Variants in RNF8 observed in about 807,000 individuals in gnomAD.
RNF8 encodes the protein ring finger protein 8.
A neutral mutation model predicts 59.3 loss-of-function variants in RNF8; 8 were observed. That is an observed-to-expected ratio of 0.13 (90% CI 0.08 to 0.24). RNF8 has a LOEUF of 0.24. Among genes scored for constraint, RNF8 ranks in the 10% least tolerant of loss-of-function variants. The probability of loss-of-function intolerance (pLI) is 1.00; values close to 1 mark genes in which losing one functional copy is unlikely to be tolerated. For synonymous variants in RNF8, 162 were observed against 200.0 expected, an observed-to-expected ratio of 0.81 and a Z score of 1.60; for missense variants, 406 against 572.6, an observed-to-expected ratio of 0.71 and a Z score of 2.97.
chr6:37,381,780 C>G (rs901822258), intron 7 of RNF8, among the ~76,000 whole-genome samples: 1 of 152,216 alleles, frequency 6.6e-6, no homozygotes, highest in Admixed American at 6.5e-5. Flanking sequence ...CTGATGCTGA[C>G]TTGCAAGCAC....
At position 37,380,583 on chromosome 6, in the gene RNF8, A is replaced by C. The variant is rs141246744; in HGVS notation, c.1237-567A>C. Among the ~76,000 whole-genome samples, 640 of 150,458 alleles carry C rather than the reference A, an allele frequency of 4.3e-3. 1 individual carries two copies. The highest frequency in any genetic ancestry group is 0.014 in the South Asian group (65 of 4,604). On this transcript the variant is annotated intron_variant, in intron 6 of 7. Coordinates refer to ENST00000373479, the MANE Select transcript of RNF8 (RefSeq NM_003958.4). ...CTACTCGGGAGGCTGAGGCAGGAGA[A>C]TGGCGTGAACCCAGGAGGCGGAGTC...
rs188013025 is a variant in RNF8, at chr6:37,356,789, A to T, written c.111+2514A>T. On this transcript the variant is annotated intron_variant, in intron 1 of 7. Coordinates refer to ENST00000373479, the MANE Select transcript of RNF8 (RefSeq NM_003958.4). ...TTTGAGACAGAGTACTCCTTCTGTC[A>T]CCCAGGCTGGAGTGCAGTGGTGTGA... Among the ~76,000 whole-genome samples the T allele has an allele frequency of 3.6e-4, 55 of 152,246 alleles. 1 individual carries two copies. The highest frequency in any genetic ancestry group is 6.8e-3 in the Middle Eastern group (2 of 294).
At chr6:37,382,576 G>T (rs1176026546) in intron 7 of RNF8, among the ~76,000 whole-genome samples, 2 of 152,148 alleles carry the variant, frequency 1.3e-5, no homozygotes, top group Non-Finnish European at 2.9e-5. Context: ...TGAGTCGGGG[G>T]ACGGGGTTGG....
At chr6:37,381,023 A>G (rs1770238835) in intron 6 of RNF8, 127 bp from the exon 7 acceptor site, 2 of 805,260 alleles carry the variant, frequency 2.5e-6, no homozygotes, top group Non-Finnish European at 4.2e-6. Context: ...TAAGCCCTTA[A>G]GATGGGATTG....
In RNF8 at chr6:37,390,902, C is replaced by G. The variant is rs557883308; in HGVS notation, c.*144C>G. 2 of 1,409,420 alleles carry G rather than the reference C, an allele frequency of 1.4e-6. No homozygotes were observed. Among genetic ancestry groups the G allele is most frequent in the African/African-American group, 2.8e-5 (2 of 70,918 alleles). The allele number at this position is 1,409,420 out of a possible 1,614,324, so 87.3% of individuals were successfully genotyped here. ...ACAGAGACTTGAGTTAGGAAGCCCT[C>G]AGTCACTTGCCTTCCACGGTGGCCA... On this transcript the variant is annotated 3_prime_UTR_variant, in exon 8 of 8. Transcript: ENST00000373479.
At chr6:37,372,956 T>A in intron 4 of RNF8, among the ~76,000 whole-genome samples, 1 of 152,024 alleles carries the variant, frequency 6.6e-6, no homozygotes, top group Non-Finnish European at 1.5e-5. Flanking sequence ...GCAACAAGAC[T>A]CCGTCTCAAA....
At chr6:37,387,495 C>G (rs1024193189) in intron 7 of RNF8, among the ~76,000 whole-genome samples, 2 of 152,170 alleles carry the variant, frequency 1.3e-5, no homozygotes, top group Non-Finnish European at 2.9e-5. Flanking sequence ...CGTGCGCCAC[C>G]ATGCCTGGCT....
chr6:37,372,190 C>T (rs1339354171), intron 4 of RNF8, among the ~76,000 whole-genome samples: 1 of 152,066 alleles, frequency 6.6e-6, no homozygotes, highest in Non-Finnish European at 1.5e-5. Context: ...TGTCTTCTAC[C>T]TTTTATGTAT....
intron 1 of RNF8, among the ~76,000 whole-genome samples, chr6:37,356,651 C>G (rs1361892540): frequency 6.6e-6 from 1 of 152,164 alleles, no homozygotes; most frequent in Non-Finnish European, 1.5e-5. Flanking sequence ...AGAACCTTCT[C>G]TCCCCTTTTC....
intron 4 of RNF8, among the ~76,000 whole-genome samples, chr6:37,373,711 A>G (rs970486742): frequency 6.6e-5 from 10 of 152,320 alleles, no homozygotes; most frequent in African/African-American, 2.2e-4. Context: ...ACGCCCGGCC[A>G]TATTTTCCCA....
rs1770738450 is a variant in RNF8 at position 37,391,976 on chromosome 6, G to T, written c.*1218G>T. ...TATACCCCATGTATTTTCATAAAGG[G>T]TTGGAAACTATTGATTGCCAACTTT... is the stretch of plus-strand genomic sequence containing the variant. On this transcript the variant is annotated 3_prime_UTR_variant, in exon 8 of 8. Coordinates refer to ENST00000373479, the MANE Select transcript of RNF8 (RefSeq NM_003958.4). 1 of 152,412 alleles carries T rather than the reference G, an allele frequency of 6.6e-6. No homozygotes were observed. Among genetic ancestry groups the T allele is most frequent in the Non-Finnish European group, 1.5e-5 (1 of 68,208 alleles). 9.4% of individuals were successfully genotyped at this position (152,412 alleles called of 1,614,324 possible). A position where few individuals can be genotyped will look rare whatever the true frequency, so the allele number is the denominator to read the frequency against.
At chr6:37,370,435 G>A (rs975643827) in intron 3 of RNF8, among the ~76,000 whole-genome samples, 1 of 152,180 alleles carries the variant, frequency 6.6e-6, no homozygotes, top group Non-Finnish European at 1.5e-5. Context: ...TCAGGAACAA[G>A]TTACTGTTGC....
intron 2 of RNF8, among the ~76,000 whole-genome samples, chr6:37,363,191 A>G (rs2113817299): frequency 6.6e-6 from 1 of 152,282 alleles, no homozygotes; most frequent in Non-Finnish European, 1.5e-5. Flanking sequence ...TACGTGAACA[A>G]AGTTTGCTGT....
At chr6:37,385,839 A>G (rs1012618478) in intron 7 of RNF8, among the ~76,000 whole-genome samples, 9 of 144,644 alleles carry the variant, frequency 6.2e-5, no homozygotes, top group Admixed American at 1.4e-4. Flanking sequence ...CCTCTGTTTA[A>G]TTTCTTTCCT....
intron 2 of RNF8, among the ~76,000 whole-genome samples, chr6:37,362,823 T>C (rs1769379605): frequency 6.6e-6 from 1 of 152,216 alleles, no homozygotes; most frequent in Non-Finnish European, 1.5e-5. Flanking sequence ...AGAGCTTAAG[T>C]ATAGATACAA....
At position 37,369,024 on chromosome 6, in the gene RNF8, A is replaced by G. The variant is rs755412726; in HGVS notation, c.781A>G (p.Ile261Val). ...VTMSRILRLK[I>V]QMQEKHEAVM... is the part of the protein sequence containing the mutation. ...CATGTCCAGGATTCTGAGGCTCAAA[A>G]TACAGATGCAGGAAAAACATGAAGC... is the stretch of plus-strand genomic sequence containing the variant. Residue 261 changes from isoleucine (I) to valine (V), a missense_variant, in exon 3 of 8, where the codon ATA becomes GTA. Coordinates refer to ENST00000373479, the MANE Select transcript of RNF8 (RefSeq NM_003958.4). 3.1e-6 allele frequency: 5 copies of G among 1,614,108 alleles called. No individual in the cohort carries two copies. In the South Asian group the frequency reaches 5.5e-5, roughly 18 times the overall value.
intron 1 of RNF8, among the ~76,000 whole-genome samples, chr6:37,357,861 C>A (rs996649790): frequency 6.6e-6 from 1 of 152,194 alleles, no homozygotes; most frequent in Admixed American, 6.5e-5. Context: ...CTTAACTGAA[C>A]ACTATGCCAG....
rs1158479999 is a variant in RNF8, at chr6:37,394,004, A to G, written c.*3246A>G. On this transcript the variant is annotated 3_prime_UTR_variant, in exon 8 of 8. Coordinates refer to ENST00000373479, the MANE Select transcript of RNF8 (RefSeq NM_003958.4). ...CTCATCGTATCTAAGGATAACCCAG[A>G]AACATGGGGTGTCCTAGGTATGTTT... 1.3e-5 allele frequency: 2 copies of G among 152,134 alleles called. No individual in the cohort carries two copies. The highest frequency in any genetic ancestry group is 2.4e-5 in the African/African-American group (1 of 41,424). 9.4% of individuals were successfully genotyped at this position (152,134 alleles called of 1,614,324 possible). A position where few individuals can be genotyped will look rare whatever the true frequency, so the allele number is the denominator to read the frequency against.
intron 1 of RNF8, among the ~76,000 whole-genome samples, chr6:37,356,302 A>G (rs1173785311): frequency 2.0e-5 from 3 of 151,862 alleles, no homozygotes; most frequent in Non-Finnish European, 2.9e-5. Context: ...AGAAGTCTGA[A>G]TCAAAGGCAA....
Sources: gnomAD v4.1 joint callset for allele counts (sites outside exome capture counted in the v4.1 genomes callset) on GRCh38, gnomAD v4.1.1 for gene constraint, MANE v1.5 for transcripts, NCBI Gene and HGNC (gene_info 2026-07-23, HGNC 2026-07-21) for gene names.